Variants in RANBP2 observed in about 807,000 individuals in gnomAD.
RANBP2 encodes RAN binding protein 2, also known as E3 SUMO-protein ligase RanBP2.
RANBP2 carries 57 observed loss-of-function variants against 303.6 expected under a neutral mutation model. That is an observed-to-expected ratio of 0.19 (90% CI 0.15 to 0.23). The LOEUF (loss-of-function observed/expected upper bound fraction) is 0.23. RANBP2 is among the 10% of genes least tolerant of loss of function. The pLI is 1.00. For missense variants in RANBP2, 3,138 were observed against 3,780.8 expected (o/e 0.83, Z 4.46); for synonymous variants, 1,167 against 1,301.5 (o/e 0.90, Z 2.23).
rs1410738555 is a variant in RANBP2, at chr2:108,785,213, G to C, written c.*1312G>C. The C allele has an allele frequency of 2.0e-5, 3 of 152,154 alleles. No homozygotes were observed. The highest frequency in any genetic ancestry group is 4.4e-5 in the Non-Finnish European group (3 of 68,028). 9.4% of individuals were successfully genotyped at this position (152,154 alleles called of 1,614,324 possible). ...CTGTTCAACCACCAGTCAAAAGAGG[G>C]GAGGGATGTTGTGCGAGTAATGAGT... On this transcript the variant is annotated 3_prime_UTR_variant, in exon 29 of 29. Transcript: ENST00000283195.
the RANBP2 span, among the ~76,000 whole-genome samples, chr2:108,947,328 A>G: frequency 6.6e-6 from 1 of 151,476 alleles, no homozygotes; most frequent in Admixed American, 6.6e-5. Context: ...GTGCCTGTGG[A>G]TTTTCCAAGT....
the RANBP2 span, among the ~76,000 whole-genome samples, chr2:109,476,717 T>G: frequency 6.6e-6 from 1 of 152,166 alleles, no homozygotes; most frequent in Non-Finnish European, 1.5e-5. Flanking sequence ...GCAAGTTTGT[T>G]AGGAAAGTAA....
the RANBP2 span, among the ~76,000 whole-genome samples, chr2:109,522,844 A>T: frequency 7.2e-5 from 11 of 152,246 alleles, no homozygotes; most frequent in Non-Finnish European, 1.2e-4. Flanking sequence ...GGGTGGAAGC[A>T]CGTGGCAGCC....
chr2:109,120,330 A>C, the RANBP2 span, among the ~76,000 whole-genome samples: 266 of 152,320 alleles, frequency 1.7e-3, 1 homozygote, highest in African/African-American at 6.2e-3. Context: ...GGACTCTTCC[A>C]GGGGTCAACC....
the RANBP2 span, among the ~76,000 whole-genome samples, chr2:108,969,778 A>G: frequency 3.3e-5 from 5 of 152,248 alleles, no homozygotes; most frequent in Admixed American, 2.0e-4. Context: ...CTGGAAAGAC[A>G]GAAACATGTA....
chr2:108,798,221 C>A, the RANBP2 span, among the ~76,000 whole-genome samples: 1 of 152,148 alleles, frequency 6.6e-6, no homozygotes, highest in South Asian at 2.1e-4. Context: ...TGGACTCTTA[C>A]TATAGTGTCA....
In RANBP2 at chr2:108,784,944, G is replaced by A. The variant is rs987385181; in HGVS notation, c.*1043G>A. ...CACACCAAAAACGTATTTGGAAATG[G>A]CTTGTATCAAATGTTAGGCAAATTG... On this transcript the variant is annotated 3_prime_UTR_variant, in exon 29 of 29. Transcript: ENST00000283195. 3.3e-5 allele frequency: 5 copies of A among 152,172 alleles called. No individual in the cohort carries two copies. Among genetic ancestry groups the A allele is most frequent in the East Asian group, 3.8e-4 (2 of 5,202 alleles). The allele number at this position is 152,172 out of a possible 1,614,324, so 9.4% of individuals were successfully genotyped here.
At chr2:108,787,177 G>A (rs1028959461), downstream of RANBP2, among the ~76,000 whole-genome samples, 1 of 152,198 alleles carries the variant, frequency 6.6e-6, no homozygotes, top group Non-Finnish European at 1.5e-5. Context: ...GTGCTATTCA[G>A]CTTTTTTTTG....
the RANBP2 span, among the ~76,000 whole-genome samples, chr2:109,198,026 T>C: frequency 6.6e-6 from 1 of 152,090 alleles, no homozygotes; most frequent in East Asian, 1.9e-4. Flanking sequence ...AGCGGCAGGT[T>C]TCCAGCAGAG....
the RANBP2 span, among the ~76,000 whole-genome samples, chr2:108,822,233 A>G: frequency 6.6e-6 from 1 of 152,210 alleles, no homozygotes; most frequent in Non-Finnish European, 1.5e-5. Flanking sequence ...ATAAATGATA[A>G]AAAGGTAAAT....
At position 108,751,896 on chromosome 2, in the gene RANBP2, C is replaced by T. The variant is rs1177239445; in HGVS notation, c.1657C>T (p.Leu553Phe). 3 of 1,611,900 alleles carry T rather than the reference C, an allele frequency of 1.9e-6. No individual in the cohort carries two copies. Among genetic ancestry groups the T allele is most frequent in the Non-Finnish European group, 2.5e-6 (3 of 1,179,850 alleles). The part of the protein sequence containing the change: ...AVPGNVAKLR[L>F]LVQHEINTLR... ...ACCTGGAAACGTAGCAAAATTGAGA[C>T]TTCTAGTTCAGCATGAAATAAACAC... is the stretch of plus-strand genomic sequence containing the variant. The change falls in exon 12 of 29, where the codon CTT becomes TTT. Residue 553 changes from leucine to phenylalanine, a missense_variant. Coordinates refer to ENST00000283195, the MANE Select transcript of RANBP2 (RefSeq NM_006267.5).
chr2:109,579,846 C>T, the RANBP2 span, among the ~76,000 whole-genome samples: 8 of 151,854 alleles, frequency 5.3e-5, no homozygotes, highest in African/African-American at 1.9e-4. Flanking sequence ...AAAGGCCAGG[C>T]GCAGTGGCTC....
the RANBP2 span, among the ~76,000 whole-genome samples, chr2:108,798,156 A>G: frequency 6.6e-6 from 1 of 152,158 alleles, no homozygotes; most frequent in Admixed American, 6.5e-5. Context: ...ATCGGGAACT[A>G]AATCTGCATA....
At chr2:109,570,507 T>C in the RANBP2 span, among the ~76,000 whole-genome samples, 1 of 149,392 alleles carries the variant, frequency 6.7e-6, no homozygotes, top group South Asian at 2.1e-4. Flanking sequence ...ACTATTGACA[T>C]AGCATTTACA....
chr2:108,759,488 C>T (rs1457391970), intron 18 of RANBP2, among the ~76,000 whole-genome samples: 2 of 151,978 alleles, frequency 1.3e-5, no homozygotes, highest in Admixed American at 1.3e-4. Context: ...AGTAGTAGTG[C>T]CCTTTTTTTT....
the RANBP2 span, among the ~76,000 whole-genome samples, chr2:108,920,062 C>T: frequency 7.2e-5 from 11 of 152,356 alleles, no homozygotes; most frequent in African/African-American, 2.4e-4. Flanking sequence ...GTCACAGAGA[C>T]ACCTGAGTCC....
the RANBP2 span, chr2:108,812,839 C>T: frequency 3.7e-6 from 6 of 1,612,676 alleles, no homozygotes; most frequent in Non-Finnish European, 4.2e-6. Context: ...GAGTTTATGA[C>T]AATACAGAGA....
At chr2:109,655,988 G>A in the RANBP2 span, among the ~76,000 whole-genome samples, 1 of 152,168 alleles carries the variant, frequency 6.6e-6, no homozygotes, top group African/African-American at 2.4e-5. Flanking sequence ...TTCTAGACCT[G>A]TCAGTTTTGA....
the RANBP2 span, among the ~76,000 whole-genome samples, chr2:109,247,605 A>G: frequency 6.6e-6 from 1 of 152,188 alleles, no homozygotes; most frequent in Non-Finnish European, 1.5e-5. Context: ...TTTGTAAACA[A>G]AGGTGTGAGT....
Sources: gnomAD v4.1 joint callset for allele counts (sites outside exome capture counted in the v4.1 genomes callset) on GRCh38, gnomAD v4.1.1 for gene constraint, MANE v1.5 for transcripts, NCBI Gene and HGNC (gene_info 2026-07-23, HGNC 2026-07-21) for gene names.